ST6GALNAC5: variants seen among roughly 807,000 people sequenced by gnomAD.
The protein encoded by ST6GALNAC5 is ST6 N-acetylgalactosaminide alpha-2,6-sialyltransferase 5.
A neutral mutation model predicts 33.6 loss-of-function variants in ST6GALNAC5; 27 were observed. The observed-to-expected ratio is 0.80, with a 90% CI of 0.59 to 1.11. The LOEUF (loss-of-function observed/expected upper bound fraction) is 1.11, where lower values mean the gene tolerates loss of function less well. Among genes scored for constraint, ST6GALNAC5 ranks in the 50% least tolerant of loss-of-function variants. The pLI, the probability that ST6GALNAC5 is intolerant of heterozygous loss-of-function variation, is 0.00. For synonymous variants in ST6GALNAC5, 194 were observed against 171.2 expected (o/e 1.13, Z -1.04); for missense variants, 428 against 454.0 (o/e 0.94, Z 0.52).
chr1:76,946,809 A>C (rs1433122206), intron 2 of ST6GALNAC5, among the ~76,000 whole-genome samples: 1 of 152,150 alleles, frequency 6.6e-6, no homozygotes, highest in African/African-American at 2.4e-5. Flanking sequence ...ACAGATTTTT[A>C]TACATGTAAC....
At chr1:76,989,698 C>T (rs1360053076) in intron 2 of ST6GALNAC5, among the ~76,000 whole-genome samples, 1 of 150,590 alleles carries the variant, frequency 6.6e-6, no homozygotes, top group African/African-American at 2.4e-5. Context: ...TCCACAGTCT[C>T]CACAAAGGTA....
At chr1:76,985,252 A>G (rs71481150) in intron 2 of ST6GALNAC5, among the ~76,000 whole-genome samples, 1 of 152,220 alleles carries the variant, frequency 6.6e-6, no homozygotes, top group African/African-American at 2.4e-5. Context: ...ACATGATTGT[A>G]TATTTAGAAA....
chr1:77,049,119 A>T (rs1652126053), intron 3 of ST6GALNAC5, among the ~76,000 whole-genome samples: 1 of 151,890 alleles, frequency 6.6e-6, no homozygotes, highest in Non-Finnish European at 1.5e-5. Context: ...AAAATGAAGG[A>T]CTCCTTAAAA....
intron 2 of ST6GALNAC5, among the ~76,000 whole-genome samples, chr1:77,009,874 A>C (rs1382431189): frequency 6.6e-6 from 1 of 152,160 alleles, no homozygotes; most frequent in Non-Finnish European, 1.5e-5. Context: ...TAATAGAGTG[A>C]CCTTGATCCT....
At chr1:77,014,538 T>C (rs1319089837) in intron 2 of ST6GALNAC5, among the ~76,000 whole-genome samples, 2 of 152,194 alleles carry the variant, frequency 1.3e-5, no homozygotes, top group African/African-American at 2.4e-5. Flanking sequence ...ACTACCACCC[T>C]CTCAGAAGAT....
chr1:76,926,490 A>G (rs1322879352), intron 2 of ST6GALNAC5, among the ~76,000 whole-genome samples: 1 of 152,158 alleles, frequency 6.6e-6, no homozygotes, highest in African/African-American at 2.4e-5. Context: ...AGATCTTTCT[A>G]TTATCAAGAA....
rs1652823839 is a variant in ST6GALNAC5 at position 77,067,511 on chromosome 1, C to T, written c.*4305C>T. ...TATAGTGCCTTGCACACAATAGGTGCTCAATAAATGTCTGTTGTTGATCAT... is the reference window on the plus strand; with the variant it reads ...TATAGTGCCTTGCACACAATAGGTGTTCAATAAATGTCTGTTGTTGATCAT... On this transcript the variant is annotated 3_prime_UTR_variant, in exon 5 of 5. Transcript: ENST00000477717. 6.6e-6 allele frequency among the ~76,000 whole-genome samples: 1 copy of T among 152,194 alleles called. No individual in the cohort carries two copies. The highest frequency in any genetic ancestry group is 1.5e-5 in the Non-Finnish European group (1 of 68,042).
intron 2 of ST6GALNAC5, among the ~76,000 whole-genome samples, chr1:76,890,156 C>T (rs1340039247): frequency 6.6e-6 from 1 of 152,170 alleles, no homozygotes; most frequent in Non-Finnish European, 1.5e-5. Context: ...GCCCTACAAA[C>T]TAGAACTAAA....
chr1:76,988,224 G>A (rs1177863860), intron 2 of ST6GALNAC5, among the ~76,000 whole-genome samples: 3 of 151,916 alleles, frequency 2.0e-5, no homozygotes, highest in Non-Finnish European at 4.4e-5. Context: ...CAGAAGTTGT[G>A]ACTGGTTTTT....
At position 76,914,436 on chromosome 1, in the gene ST6GALNAC5, A is replaced by T. The variant is rs576820647; in HGVS notation, c.261+45694A>T. On this transcript the variant is annotated intron_variant, in intron 2 of 4. Coordinates refer to ENST00000477717, the MANE Select transcript of ST6GALNAC5 (RefSeq NM_030965.3). ...GGAGGCATCACGCTACCTGACTTCA[A>T]ACTCTACTACAAGGCTACAGTAACC... 5.3e-4 allele frequency among the ~76,000 whole-genome samples: 81 copies of T among 152,340 alleles called. No individual in the cohort carries two copies. The Middle Eastern group carries it at 0.01, about 19-fold the overall frequency.
intron 2 of ST6GALNAC5, among the ~76,000 whole-genome samples, chr1:76,974,664 C>G (rs1477299148): frequency 4.0e-5 from 6 of 149,056 alleles, no homozygotes; most frequent in Non-Finnish European, 7.4e-5. Flanking sequence ...AGTTTATAAC[C>G]TGATACATTT....
intron 4 of ST6GALNAC5, among the ~76,000 whole-genome samples, chr1:77,061,116 TA>T (rs1259408557): frequency 6.6e-6 from 1 of 152,158 alleles, no homozygotes; most frequent in African/African-American, 2.4e-5. Flanking sequence ...AGTAAATTAA[TA>T]AAATCTGCAA....
chr1:77,032,464 A>C (rs555087787), intron 2 of ST6GALNAC5, among the ~76,000 whole-genome samples: 1 of 152,314 alleles, frequency 6.6e-6, no homozygotes, highest in African/African-American at 2.4e-5. Flanking sequence ...GTCAACAGAC[A>C]TACAGGAGGT....
At chr1:76,941,585 CA>C (rs1313427663) in intron 2 of ST6GALNAC5, among the ~76,000 whole-genome samples, 4 of 152,004 alleles carry the variant, frequency 2.6e-5, no homozygotes, top group African/African-American at 9.7e-5. Context: ...CTGGATTACC[CA>C]AGTAGACCTG....
chr1:76,949,112 T>C (rs2100335218), intron 2 of ST6GALNAC5, among the ~76,000 whole-genome samples: 1 of 152,304 alleles, frequency 6.6e-6, no homozygotes, highest in Middle Eastern at 3.4e-3. Flanking sequence ...AGGTATGTGC[T>C]CAGCCACACA....
chr1:76,940,513 A>T (rs1393894881), intron 2 of ST6GALNAC5, among the ~76,000 whole-genome samples: 3 of 152,066 alleles, frequency 2.0e-5, no homozygotes, highest in African/African-American at 7.2e-5. Context: ...GGCTATTAAA[A>T]GCATTTGTTA....
intron 4 of ST6GALNAC5, among the ~76,000 whole-genome samples, chr1:77,055,404 T>A (rs372874436): frequency 5.9e-5 from 9 of 152,224 alleles, no homozygotes; most frequent in African/African-American, 2.2e-4. Context: ...TAATGGCTGA[T>A]ATTTGTTGTG....
intron 2 of ST6GALNAC5, among the ~76,000 whole-genome samples, chr1:77,010,629 C>T (rs1436234826): frequency 1.3e-5 from 2 of 148,620 alleles, no homozygotes; most frequent in Non-Finnish European, 3.0e-5. Flanking sequence ...CAGCCTGCGA[C>T]ACTGTCCATC....
intron 2 of ST6GALNAC5, among the ~76,000 whole-genome samples, chr1:76,911,248 T>C (rs1304966085): frequency 6.6e-6 from 1 of 152,184 alleles, no homozygotes; most frequent in Non-Finnish European, 1.5e-5. Flanking sequence ...ATTACATTTA[T>C]TGATTTGCGT....
Sources: allele counts gnomAD v4.1 joint callset (sites outside exome capture counted in the v4.1 genomes callset), GRCh38; gene constraint gnomAD v4.1.1; transcripts MANE v1.5; gene names NCBI Gene and HGNC (gene_info 2026-07-23, HGNC 2026-07-21).